MYO1D: variants seen among roughly 807,000 people sequenced by gnomAD.
MYO1D encodes the protein unconventional myosin-Id.
In MYO1D, 83 loss-of-function variants were observed where a neutral mutation model predicts 122.0. The ratio of observed to expected loss-of-function variants is 0.68; its 90% CI spans 0.57 to 0.82. The LOEUF is 0.82. Among genes scored for constraint, MYO1D ranks in the 40% least tolerant of loss-of-function variants. MYO1D has a pLI of 0.00. For missense variants in MYO1D, 1,157 were observed against 1,269.5 expected, an observed-to-expected ratio of 0.91 and a Z score of 1.35; for synonymous variants, 464 against 446.9, an observed-to-expected ratio of 1.04 and a Z score of -0.48.
chr17:32,678,894 A>G (rs1198955314), intron 16 of MYO1D, among the ~76,000 whole-genome samples: 2 of 150,698 alleles, frequency 1.3e-5, no homozygotes, highest in Non-Finnish European at 2.9e-5. Context: ...AAGTGTTCCT[A>G]TTTCTCCACA....
intron 1 of MYO1D, among the ~76,000 whole-genome samples, chr17:32,803,444 C>G (rs1013858617): frequency 1.3e-5 from 2 of 152,238 alleles, no homozygotes; most frequent in African/African-American, 4.8e-5. Context: ...CCACGCCGGG[C>G]CCAGAACTTC....
chr17:32,561,700 A>AG (rs2150890662), intron 21 of MYO1D, among the ~76,000 whole-genome samples: 1 of 147,614 alleles, frequency 6.8e-6, no homozygotes, highest in East Asian at 2.0e-4. Context: ...AAAAAAAAAA[A>AG]AAAAAAAGAA....
chr17:32,522,285 A>C (rs1910172817), intron 21 of MYO1D, among the ~76,000 whole-genome samples: 1 of 152,144 alleles, frequency 6.6e-6, no homozygotes, highest in South Asian at 2.1e-4. Flanking sequence ...CCATCTCACC[A>C]CTAAAGGCCT....
chr17:32,846,482 A>T (rs896708166), intron 1 of MYO1D, among the ~76,000 whole-genome samples: 1 of 152,210 alleles, frequency 6.6e-6, no homozygotes, highest in African/African-American at 2.4e-5. Context: ...TTCTGAGGTT[A>T]AAAAAATCTA....
chr17:32,828,212 G>A (rs1020156841), intron 1 of MYO1D, among the ~76,000 whole-genome samples: 11 of 152,044 alleles, frequency 7.2e-5, no homozygotes, highest in African/African-American at 2.7e-4. Context: ...GTTTTCTCCC[G>A]TGCTATCAGA....
chr17:32,527,885 C>T (rs2150871355), intron 21 of MYO1D, among the ~76,000 whole-genome samples: 1 of 118,786 alleles, frequency 8.4e-6, no homozygotes, highest in Admixed American at 8.2e-5. Flanking sequence ...GTCGCCCAGG[C>T]TAGACTGCAG....
intron 21 of MYO1D, among the ~76,000 whole-genome samples, chr17:32,554,264 A>G (rs1331771456): frequency 6.6e-6 from 1 of 151,854 alleles, no homozygotes; most frequent in African/African-American, 2.4e-5. Flanking sequence ...GCTACTCCTG[A>G]TGGGTGTACT....
chr17:32,507,868 T>C (rs1909551365), intron 21 of MYO1D, among the ~76,000 whole-genome samples: 1 of 148,470 alleles, frequency 6.7e-6, no homozygotes, highest in South Asian at 2.1e-4. Context: ...AAGAGAGCCC[T>C]CACCAGAACC....
In MYO1D at chr17:32,494,478, C is replaced by CA. The variant is rs1046415928; in HGVS notation, c.*280dup. On this transcript the variant is annotated 3_prime_UTR_variant, in exon 22 of 22. Transcript: ENST00000318217. ...GGGCATCCGCACCAACTAAAGGCACCATCCAGTTGCCTCTGGGGTGAGATT... is the reference window on the plus strand; with the variant it reads ...GGGCATCCGCACCAACTAAAGGCACCAATCCAGTTGCCTCTGGGGTGAGATT... The CA allele has an allele frequency of 2.3e-6, 1 of 433,768 alleles. No individual in the cohort carries two copies. The highest frequency in any genetic ancestry group is 4.3e-5 in the East Asian group (1 of 22,990). The allele number at this position is 433,768 out of a possible 1,614,324, so 26.9% of individuals were successfully genotyped here.
At chr17:32,681,228 GGGT>G (rs1419074066) in intron 16 of MYO1D, among the ~76,000 whole-genome samples, 1 of 151,632 alleles carries the variant, frequency 6.6e-6, no homozygotes, top group Non-Finnish European at 1.5e-5. Context: ...ATTTTTCGAA[GGGT>G]TTTTTATGTC....
intron 16 of MYO1D, among the ~76,000 whole-genome samples, chr17:32,678,636 AT>A (rs2088861531): frequency 6.6e-6 from 1 of 150,678 alleles, no homozygotes; most frequent in Admixed American, 6.6e-5. Flanking sequence ...TATATGCCAC[AT>A]TTTCTTAATC....
intron 1 of MYO1D, among the ~76,000 whole-genome samples, chr17:32,850,027 A>G (rs530467971): frequency 3.8e-4 from 58 of 152,320 alleles, no homozygotes; most frequent in African/African-American, 1.3e-3. Flanking sequence ...ATAGCAAGTA[A>G]TATGTTTTCA....
At chr17:32,547,451 G>A (rs890935150) in intron 21 of MYO1D, among the ~76,000 whole-genome samples, 2 of 152,214 alleles carry the variant, frequency 1.3e-5, no homozygotes, top group Non-Finnish European at 2.9e-5. Flanking sequence ...TTAAATAAAT[G>A]CCACGCTTTT....
At chr17:32,731,526 A>G (rs544518193) in intron 14 of MYO1D, among the ~76,000 whole-genome samples, 5 of 152,144 alleles carry the variant, frequency 3.3e-5, no homozygotes, top group Non-Finnish European at 5.9e-5. Context: ...TTTTACTTAT[A>G]GTATCTTGTA....
intron 21 of MYO1D, among the ~76,000 whole-genome samples, chr17:32,545,766 G>C (rs1023001095): frequency 6.7e-6 from 1 of 149,612 alleles, no homozygotes; most frequent in Non-Finnish European, 1.5e-5. Flanking sequence ...GAAGTATCCA[G>C]GTGATTTTTT....
In MYO1D at chr17:32,840,750, G is replaced by A. The variant is rs557654540; in HGVS notation, c.95+36028C>T. On this transcript the variant is annotated intron_variant, in intron 1 of 21. Transcript: ENST00000318217. ...AAGATGATTTCATTTCAAATATAAA[G>A]TCCTGGGGAAGAACTGTGGTTGGTC... 9.2e-5 allele frequency among the ~76,000 whole-genome samples: 14 copies of A among 152,246 alleles called. No homozygotes were observed. The South Asian group carries it at 2.9e-3, about 32-fold the overall frequency.
chr17:32,866,775 C>T (rs781413335), intron 1 of MYO1D, among the ~76,000 whole-genome samples: 2 of 152,120 alleles, frequency 1.3e-5, no homozygotes, highest in Non-Finnish European at 2.9e-5. Context: ...AGCCAGCCCA[C>T]GCATGCTTAA....
chr17:32,542,055 G>T (rs1910852597), intron 21 of MYO1D, among the ~76,000 whole-genome samples: 1 of 152,058 alleles, frequency 6.6e-6, no homozygotes, highest in Non-Finnish European at 1.5e-5. Flanking sequence ...CACCAGGTTT[G>T]CAGCTCCTTC....
chr17:32,568,786 C>T (rs1450591766), intron 21 of MYO1D, among the ~76,000 whole-genome samples: 1 of 152,232 alleles, frequency 6.6e-6, no homozygotes, highest in Non-Finnish European at 1.5e-5. Flanking sequence ...AGACCTCAGC[C>T]CTTCCAGCTT....
Sources: allele counts gnomAD v4.1 joint callset (sites outside exome capture counted in the v4.1 genomes callset), GRCh38; gene constraint gnomAD v4.1.1; transcripts MANE v1.5; gene names NCBI Gene and HGNC (gene_info 2026-07-23, HGNC 2026-07-21).